Variants in DAB1 observed in about 807,000 individuals in gnomAD.
DAB1 encodes the protein DAB adaptor protein 1.
In DAB1, 15 loss-of-function variants were observed where a neutral mutation model predicts 64.6. That is an observed-to-expected ratio of 0.23 (90% CI 0.16 to 0.36). The LOEUF (loss-of-function observed/expected upper bound fraction) is 0.36. DAB1 is among the 10% of genes least tolerant of loss of function. The pLI, the probability that DAB1 is intolerant of heterozygous loss-of-function variation, is 1.00. For synonymous variants in DAB1, 235 were observed against 251.9 expected, an observed-to-expected ratio of 0.93 and a Z score of 0.64; for missense variants, 596 against 706.7, an observed-to-expected ratio of 0.84 and a Z score of 1.78.
chr1:58,046,282 T>C (rs1317403909), intron 5 of DAB1, among the ~76,000 whole-genome samples: 2 of 152,242 alleles, frequency 1.3e-5, no homozygotes, highest in Non-Finnish European at 2.9e-5. Context: ...GTATATCAAA[T>C]ATCCAATTGG....
At chr1:57,932,644 T>A (rs898944185) in intron 5 of DAB1, among the ~76,000 whole-genome samples, 1 of 152,130 alleles carries the variant, frequency 6.6e-6, no homozygotes, top group African/African-American at 2.4e-5. Context: ...ACGTTAAGGA[T>A]CATTATGTCT....
At chr1:57,100,925 A>C (rs189813352) in intron 4 of DAB1, among the ~76,000 whole-genome samples, 1 of 152,302 alleles carries the variant, frequency 6.6e-6, no homozygotes, top group Non-Finnish European at 1.5e-5. Context: ...TTTAGCCTTT[A>C]TCATATGCCA....
intron 4 of DAB1, among the ~76,000 whole-genome samples, chr1:58,259,175 CA>C (rs1660997426): frequency 6.6e-6 from 1 of 152,066 alleles, no homozygotes; most frequent in South Asian, 2.1e-4. Flanking sequence ...TATAAAACTG[CA>C]AAAAGCTTAA....
At chr1:57,057,784 A>G (rs1165986904) in intron 9 of DAB1, among the ~76,000 whole-genome samples, 1 of 151,188 alleles carries the variant, frequency 6.6e-6, no homozygotes, top group East Asian at 2.0e-4. Context: ...ATTTTTTTGT[A>G]TTTTTAGTAG....
At chr1:57,269,215 T>C (rs1241151504) in intron 2 of DAB1, among the ~76,000 whole-genome samples, 1 of 152,062 alleles carries the variant, frequency 6.6e-6, no homozygotes, top group Non-Finnish European at 1.5e-5. Flanking sequence ...CCCAATCCCC[T>C]TGTCAGGAGA....
intron 4 of DAB1, among the ~76,000 whole-genome samples, chr1:57,076,293 G>T (rs1163710505): frequency 3.3e-5 from 5 of 152,172 alleles, no homozygotes; most frequent in Non-Finnish European, 1.5e-5. Flanking sequence ...GCAGATGCTG[G>T]TTGCCCTCTT....
chr1:57,379,777 C>T lies in DAB1; in HGVS notation c.-137+44153G>A, dbSNP rs371090126. On this transcript the variant is annotated intron_variant, in intron 1 of 14. Transcript: ENST00000371236. ...CAAGCCACCTATAGACTATGATTTA[C>T]CTCTCTCAGCATTTTGCAAAGATGT... is the stretch of plus-strand genomic sequence containing the variant. Among the ~76,000 whole-genome samples the T allele has an allele frequency of 8.5e-5, 13 of 152,280 alleles. No homozygotes were observed. The East Asian group carries it at 2.5e-3, about 29-fold the overall frequency.
intron 7 of DAB1, among the ~76,000 whole-genome samples, chr1:57,475,943 G>T (rs1643930272): frequency 1.3e-5 from 2 of 152,120 alleles, no homozygotes; most frequent in Admixed American, 1.3e-4. Flanking sequence ...CAGTATGCTC[G>T]GCCAGGTGCA....
intron 9 of DAB1, chr1:57,033,593 T>G: frequency 6.2e-7 from 1 of 1,604,500 alleles, no homozygotes; most frequent in Non-Finnish European, 8.5e-7. Flanking sequence ...GAAGGGATGA[T>G]GAATGAGGAT....
intron 5 of DAB1, among the ~76,000 whole-genome samples, chr1:58,062,299 A>T (rs1345116997): frequency 2.0e-5 from 3 of 152,210 alleles, no homozygotes; most frequent in Non-Finnish European, 2.9e-5. Flanking sequence ...AGGGCTTGGT[A>T]GAGGTCACAG....
chr1:58,370,402 T>C (rs919072247), intron 3 of DAB1, among the ~76,000 whole-genome samples: 1 of 148,038 alleles, frequency 6.8e-6, no homozygotes, highest in Admixed American at 6.7e-5. Context: ...TGTGTGTGTG[T>C]GTGTGTGTGT....
intron 6 of DAB1, among the ~76,000 whole-genome samples, chr1:57,763,078 A>G (rs1463290958): frequency 6.6e-6 from 1 of 152,202 alleles, no homozygotes; most frequent in African/African-American, 2.4e-5. Flanking sequence ...CCCCTATTGC[A>G]AAATAAGCAA....
chr1:57,434,936 T>C (rs983030006), intron 7 of DAB1, among the ~76,000 whole-genome samples: 3 of 152,170 alleles, frequency 2.0e-5, no homozygotes, highest in Admixed American at 1.3e-4. Flanking sequence ...CGAGTGAATG[T>C]GAAGGCCTAC....
At chr1:57,261,757 A>G (rs556236992) in intron 2 of DAB1, among the ~76,000 whole-genome samples, 2 of 152,186 alleles carry the variant, frequency 1.3e-5, no homozygotes, top group African/African-American at 2.4e-5. Context: ...ACCTGAGTCA[A>G]CGTCAACCTC....
chr1:57,014,842 G>A, intron 12 of DAB1, 41 bp downstream of exon 12: 7 of 1,491,166 alleles, frequency 4.7e-6, no homozygotes, highest in Admixed American at 4.6e-5. Flanking sequence ...CATGAGTTAC[G>A]GCTCTCATTG....
At chr1:57,286,832 G>C (rs564171575) in intron 2 of DAB1, among the ~76,000 whole-genome samples, 1 of 151,990 alleles carries the variant, frequency 6.6e-6, no homozygotes, top group Non-Finnish European at 1.5e-5. Flanking sequence ...TTAACCTAAC[G>C]AATCAAACCC....
At chr1:58,194,756 C>T (rs1313215519) in intron 4 of DAB1, among the ~76,000 whole-genome samples, 3 of 152,186 alleles carry the variant, frequency 2.0e-5, no homozygotes, top group Non-Finnish European at 2.9e-5. Flanking sequence ...TCTTTCTCAA[C>T]GTTCCATGGT....
At chr1:58,355,238 T>C (rs1303107857) in intron 3 of DAB1, among the ~76,000 whole-genome samples, 2 of 152,210 alleles carry the variant, frequency 1.3e-5, no homozygotes, top group Non-Finnish European at 2.9e-5. Context: ...TGAGCCTTTT[T>C]CCAAACTCAC....
intron 5 of DAB1, among the ~76,000 whole-genome samples, chr1:58,042,095 G>A (rs984555317): frequency 6.6e-6 from 1 of 152,204 alleles, no homozygotes; most frequent in African/African-American, 2.4e-5. Flanking sequence ...CCTGTCTCAG[G>A]TGGCTGGCTG....
Sources: gnomAD v4.1 joint callset for allele counts (sites outside exome capture counted in the v4.1 genomes callset) on GRCh38, gnomAD v4.1.1 for gene constraint, MANE v1.5 for transcripts, NCBI Gene and HGNC (gene_info 2026-07-23, HGNC 2026-07-21) for gene names.